The following CYP2E1 variants were observed in gnomAD, a reference collection of about 807,000 sequenced individuals.
CYP2E1 encodes the protein cytochrome P450 2E1.
CYP2E1 carries 31 observed loss-of-function variants against 42.9 expected under a neutral mutation model. The observed-to-expected ratio is 0.72, with a 90% CI of 0.54 to 0.98. CYP2E1 has a LOEUF of 0.98. CYP2E1 is among the 50% of genes least tolerant of loss of function. The pLI is 0.00. For missense variants in CYP2E1, 565 were observed against 633.2 expected (o/e 0.89, Z 1.16); for synonymous variants, 244 against 248.9 (o/e 0.98, Z 0.19).
At chr10:133,536,046 A>G (rs181702808) in intron 6 of CYP2E1, among the ~76,000 whole-genome samples, 32 of 152,346 alleles carry the variant, frequency 2.1e-4, no homozygotes, top group Middle Eastern at 3.4e-3. Context: ...TTCAGATTCA[A>G]GAAGTAGACC....
chr10:133,530,879 G>A (rs1455621363), intron 2 of CYP2E1, among the ~76,000 whole-genome samples: 2 of 152,158 alleles, frequency 1.3e-5, no homozygotes, highest in South Asian at 2.1e-4. Flanking sequence ...TGAGATAAGC[G>A]TGGGAATATG....
At position 133,532,470 on chromosome 10, in the gene CYP2E1, T is replaced by G. The variant is rs8192773; in HGVS notation, c.648+186T>G. 1.9e-3 allele frequency among the ~76,000 whole-genome samples: 289 copies of G among 152,182 alleles called. 4 individuals are homozygous for G. The East Asian group carries it at 0.048, about 25-fold the overall frequency. On this transcript the variant is annotated intron_variant, in intron 4 of 8. Coordinates refer to ENST00000252945, the MANE Select transcript of CYP2E1 (RefSeq NM_000773.4). ...TCTCTGGGGCCCCACGCACCCCCTTTCCTAACGTCAGGATGTGTATCGACC... is the reference window on the plus strand; with the variant it reads ...TCTCTGGGGCCCCACGCACCCCCTTGCCTAACGTCAGGATGTGTATCGACC...
intron 2 of CYP2E1, among the ~76,000 whole-genome samples, chr10:133,529,898 C>A (rs780420098): frequency 1.1e-4 from 16 of 152,212 alleles, no homozygotes; most frequent in Non-Finnish European, 1.8e-4. Context: ...ACAAAATTAA[C>A]CATCTCAGTC....
In CYP2E1 at chr10:133,537,171, G is replaced by C. The variant is rs745528149; in HGVS notation, c.1076G>C (p.Arg359Pro). The C allele has an allele frequency of 6.2e-7, 1 of 1,614,060 alleles. No individual in the cohort carries two copies. The highest frequency in any genetic ancestry group is 1.7e-5 in the Admixed American group (1 of 60,016). The change falls in exon 7 of 9, where the codon CGG (arginine) becomes CCG (proline). Residue 359 changes from arginine (R) to proline (P), a missense_variant. Coordinates refer to ENST00000252945, the MANE Select transcript of CYP2E1 (RefSeq NM_000773.4). ...GATGCTGTGGTGCATGAGATTCAGC[G>C]GTTCATCACCCTCGTGCCCTCCAAC... ...YMDAVVHEIQ[R>P]FITLVPSNLP...
In CYP2E1 at chr10:133,532,408, G is replaced by A. The variant is rs1851349807; in HGVS notation, c.648+124G>A. ...GCCAAACAACATAGCTTCGAGGGGT[G>A]TTTGATTAGACAGCCCAAATATTCC... On this transcript the variant is annotated intron_variant, in intron 4 of 8. Coordinates refer to ENST00000252945, the MANE Select transcript of CYP2E1 (RefSeq NM_000773.4). The A allele has an allele frequency of 8.2e-6, 8 of 977,188 alleles. No homozygotes were observed. In the East Asian group the frequency reaches 1.7e-4, roughly 21 times the overall value. 60.5% of individuals were successfully genotyped at this position (977,188 alleles called of 1,614,324 possible).
intron 2 of CYP2E1, among the ~76,000 whole-genome samples, chr10:133,530,038 G>T (rs923489447): frequency 6.6e-6 from 1 of 152,142 alleles, no homozygotes; most frequent in African/African-American, 2.4e-5. Context: ...AGGCAGCAGG[G>T]AGGGGAGCGG....
At chr10:133,528,878 A>G (rs1302937459) in intron 2 of CYP2E1, among the ~76,000 whole-genome samples, 2 of 152,160 alleles carry the variant, frequency 1.3e-5, no homozygotes, top group Non-Finnish European at 2.9e-5. Flanking sequence ...GTTTATGGGG[A>G]TGGGCGGGGC....
In CYP2E1 at chr10:133,536,832, G is replaced by C. The variant is rs148034416; in HGVS notation, c.968-231G>C. Among the ~76,000 whole-genome samples, 1,261 of 143,764 alleles carry C rather than the reference G, an allele frequency of 8.8e-3. 1 individual carries two copies. The highest frequency in any genetic ancestry group is 0.032 in the African/African-American group (1,197 of 37,470). The allele number at this position is 143,764 out of a possible 152,430, so 94.3% of individuals were successfully genotyped here. A position where few individuals can be genotyped will look rare whatever the true frequency, so the allele number is the denominator to read the frequency against. On this transcript the variant is annotated intron_variant, in intron 6 of 8. Transcript: ENST00000252945. ...GGGTGGTTGGATGGATGGGTGGGTG[G>C]GTGGATGGGAGGGTGGATGGCTGGC...
intron 6 of CYP2E1, among the ~76,000 whole-genome samples, chr10:133,535,391 C>T (rs1011026095): frequency 2.0e-5 from 3 of 152,164 alleles, no homozygotes; most frequent in South Asian, 2.1e-4. Flanking sequence ...TCTTGAACTC[C>T]TGGGCTCAAG....
At chr10:133,529,309 G>C (rs1396872926) in intron 2 of CYP2E1, among the ~76,000 whole-genome samples, 1 of 152,204 alleles carries the variant, frequency 6.6e-6, no homozygotes, top group Non-Finnish European at 1.5e-5. Flanking sequence ...CTTTATCTGC[G>C]CATTCTCCCA....
chr10:133,537,793 A>C lies in CYP2E1; in HGVS notation c.1198A>C (p.Asn400His). Residue 400 changes from asparagine to histidine, a missense_variant, in exon 8 of 9, where the codon AAC (asparagine) becomes CAC (histidine). Transcript: ENST00000252945. Reference sequence around the variant, plus strand: ...AACTCTGGACTCTGTTTTGTATGACAACCAAGAATTTCCTGATCCAGAAAA... The same window carrying C: ...AACTCTGGACTCTGTTTTGTATGACCACCAAGAATTTCCTGATCCAGAAAA... The part of the protein sequence containing the change: ...VPTLDSVLYD[N>H]QEFPDPEKFK... 6.2e-7 allele frequency: 1 copy of C among 1,613,940 alleles called. No individual in the cohort carries two copies. The highest frequency in any genetic ancestry group is 8.5e-7 in the Non-Finnish European group (1 of 1,179,860).
chr10:133,529,369 C>T (rs1349253292), intron 2 of CYP2E1, among the ~76,000 whole-genome samples: 2 of 152,228 alleles, frequency 1.3e-5, no homozygotes, highest in Non-Finnish European at 2.9e-5. Context: ...GCCGGCTCTC[C>T]TCTTCCTGCC....
chr10:133,530,878 C>T (rs550906022), intron 2 of CYP2E1, among the ~76,000 whole-genome samples: 62 of 152,208 alleles, frequency 4.1e-4, no homozygotes, highest in Non-Finnish European at 7.8e-4. Context: ...TTGAGATAAG[C>T]GTGGGAATAT....
chr10:133,532,432 C>T, intron 4 of CYP2E1, 148 bp downstream of exon 4: 1 of 848,984 alleles, frequency 1.2e-6, no homozygotes. Flanking sequence ...CCCAAATATT[C>T]CTCCCAGAGA....
rs766643672 is a variant in CYP2E1, at chr10:133,538,943, CTG to C, written c.1465_1466del (p.Val489HisfsTer12). On this transcript the variant is annotated frameshift_variant, in exon 9 of 9. Transcript: ENST00000252945. LOFTEE classifies it high-confidence loss of function. ...GCTGTATCCCACCACGTTACAAACT[CTG>C]TGTCATTCCCCGCTCATGAGTGTGT... The part of the protein sequence containing the change: ...FGCIPPRYKL[C>X]VIPRS The C allele has an allele frequency of 8.1e-6, 13 of 1,612,986 alleles. No homozygotes were observed. The highest frequency in any genetic ancestry group is 4.4e-5 in the South Asian group (4 of 90,920).
chr10:133,528,464 G>C lies in CYP2E1; in HGVS notation c.178-17G>C. ...CGCCGCGCGGCGGGCCTGACTTCTA[G>C]CCACGGGTCTCCGCAGTTGGCCCAG... On this transcript the variant is annotated splice_polypyrimidine_tract_variant and intron_variant, in intron 1 of 8. Coordinates refer to ENST00000252945, the MANE Select transcript of CYP2E1 (RefSeq NM_000773.4). 1 of 1,611,488 alleles carries C rather than the reference G, an allele frequency of 6.2e-7. No individual in the cohort carries two copies. The highest frequency in any genetic ancestry group is 8.5e-7 in the Non-Finnish European group (1 of 1,179,098).
At chr10:133,538,261 A>C (rs1332386546) in intron 8 of CYP2E1, among the ~76,000 whole-genome samples, 2 of 152,158 alleles carry the variant, frequency 1.3e-5, no homozygotes, top group East Asian at 3.9e-4. Context: ...AACAAAACCT[A>C]ACCTTTGGTT....
intron 1 of CYP2E1, 31 bp from the exon 2 acceptor site, chr10:133,528,450 G>T (rs758843501): frequency 6.2e-7 from 1 of 1,608,024 alleles, no homozygotes; most frequent in Non-Finnish European, 8.5e-7. Flanking sequence ...GCCGCGCGGC[G>T]GGCCTGACTT....
In CYP2E1 at chr10:133,538,687, C is replaced by T. The variant is rs951922013; in HGVS notation, c.1298-93C>T. ...CCTTGTGATGGCCGTTTGCCCACAGCCTCCTCCTCCCCGCTTCCCCTAGTC... is the reference window on the plus strand; with the variant it reads ...CCTTGTGATGGCCGTTTGCCCACAGTCTCCTCCTCCCCGCTTCCCCTAGTC... On this transcript the variant is annotated intron_variant, in intron 8 of 8. Coordinates refer to ENST00000252945, the MANE Select transcript of CYP2E1 (RefSeq NM_000773.4). 18 of 1,149,500 alleles carry T rather than the reference C, an allele frequency of 1.6e-5. No individual in the cohort carries two copies. The African/African-American group carries it at 2.3e-4, about 15-fold the overall frequency. 71.2% of individuals were successfully genotyped at this position (1,149,500 alleles called of 1,614,324 possible). A position where few individuals can be genotyped will look rare whatever the true frequency, so the allele number is the denominator to read the frequency against.
Sources: gnomAD v4.1 joint callset for allele counts (sites outside exome capture counted in the v4.1 genomes callset) on GRCh38, gnomAD v4.1.1 for gene constraint, MANE v1.5 for transcripts, NCBI Gene and HGNC (gene_info 2026-07-23, HGNC 2026-07-21) for gene names.